Variants in RANBP2 observed in about 807,000 individuals in gnomAD.
The protein encoded by RANBP2 is RAN binding protein 2.
Under a neutral mutation model 303.6 loss-of-function variants are expected in RANBP2, and 57 were observed. The observed-to-expected ratio is 0.19, with a 90% CI of 0.15 to 0.23. The LOEUF is 0.23. Ranked by LOEUF, RANBP2 falls within the 10% of genes least tolerant of loss-of-function variation. The probability of loss-of-function intolerance (pLI) is 1.00; values close to 1 mark genes in which losing one functional copy is unlikely to be tolerated. For synonymous variants in RANBP2, 1,167 were observed against 1,301.5 expected (o/e 0.90, Z 2.23); for missense variants, 3,138 against 3,780.8 (o/e 0.83, Z 4.46).
chr2:109,582,266 T>C, the RANBP2 span, among the ~76,000 whole-genome samples: 2 of 152,256 alleles, frequency 1.3e-5, no homozygotes, highest in African/African-American at 4.8e-5. Context: ...AGAATCAATA[T>C]AGTTAAAACG....
At chr2:109,078,186 T>C in the RANBP2 span, among the ~76,000 whole-genome samples, 5 of 44,292 alleles carry the variant, frequency 1.1e-4, no homozygotes, top group South Asian at 2.0e-3. Flanking sequence ...ATATATAGCA[T>C]ATATATATAG....
the RANBP2 span, among the ~76,000 whole-genome samples, chr2:109,054,052 G>C: frequency 6.6e-6 from 1 of 152,150 alleles, no homozygotes; most frequent in African/African-American, 2.4e-5. Flanking sequence ...CTACCTGGGC[G>C]GCTCTGCAAG....
chr2:109,436,859 T>C, the RANBP2 span: 1 of 1,604,814 alleles, frequency 6.2e-7, no homozygotes, highest in Non-Finnish European at 8.5e-7. Flanking sequence ...CCTCTGAGCC[T>C]CTCATCAGAA....
the RANBP2 span, among the ~76,000 whole-genome samples, chr2:108,860,070 A>G: frequency 6.6e-6 from 1 of 151,964 alleles, no homozygotes; most frequent in African/African-American, 2.4e-5. Context: ...GCTGTTGTAA[A>G]TAGGATTGTG....
chr2:109,206,228 C>T, the RANBP2 span, among the ~76,000 whole-genome samples: 18 of 152,168 alleles, frequency 1.2e-4, no homozygotes, highest in Admixed American at 5.2e-4. Context: ...CGGTGGCTCA[C>T]GCCTGTAATC....
the RANBP2 span, among the ~76,000 whole-genome samples, chr2:108,867,812 C>G: frequency 2.0e-5 from 3 of 152,134 alleles, no homozygotes; most frequent in African/African-American, 7.2e-5. Context: ...TATGTTCCAG[C>G]CTTTGAGTCA....
the RANBP2 span, among the ~76,000 whole-genome samples, chr2:109,363,343 A>G: frequency 4.6e-5 from 7 of 152,276 alleles, no homozygotes; most frequent in East Asian, 1.3e-3. Flanking sequence ...AGTACTTGTA[A>G]TAACAAAATA....
the RANBP2 span, among the ~76,000 whole-genome samples, chr2:109,131,366 C>T: frequency 6.6e-6 from 1 of 152,134 alleles, no homozygotes; most frequent in Non-Finnish European, 1.5e-5. Flanking sequence ...TGATTAAATC[C>T]AGCTAAATGC....
At chr2:109,606,627 A>G in the RANBP2 span, among the ~76,000 whole-genome samples, 10 of 78,038 alleles carry the variant, frequency 1.3e-4, no homozygotes, top group Admixed American at 1.5e-3. Context: ...TAATAGCTAA[A>G]AAGTTCCCTT....
chr2:109,599,288 T>C, the RANBP2 span, among the ~76,000 whole-genome samples: 4 of 151,938 alleles, frequency 2.6e-5, no homozygotes, highest in African/African-American at 9.7e-5. Context: ...TGAAACCCTC[T>C]CTCTACTAAA....
chr2:109,551,201 A>T, the RANBP2 span, among the ~76,000 whole-genome samples: 1 of 152,258 alleles, frequency 6.6e-6, no homozygotes, highest in Non-Finnish European at 1.5e-5. Context: ...CTATTATCTA[A>T]GCACACATCA....
chr2:109,193,201 C>T, the RANBP2 span, among the ~76,000 whole-genome samples: 3 of 152,334 alleles, frequency 2.0e-5, no homozygotes, highest in African/African-American at 7.2e-5. Context: ...AAATTGTCTG[C>T]CCTTCCTGGG....
At chr2:108,850,178 A>G in the RANBP2 span, among the ~76,000 whole-genome samples, 1 of 152,192 alleles carries the variant, frequency 6.6e-6, no homozygotes, top group African/African-American at 2.4e-5. Flanking sequence ...AAACATAAGA[A>G]AAACTCTTAA....
the RANBP2 span, among the ~76,000 whole-genome samples, chr2:109,049,316 G>A: frequency 9.9e-5 from 15 of 152,156 alleles, no homozygotes; most frequent in African/African-American, 2.9e-4. Flanking sequence ...CTTCCTTCCC[G>A]CACTTGCCTC....
At chr2:109,005,827 T>C in the RANBP2 span, among the ~76,000 whole-genome samples, 2 of 152,202 alleles carry the variant, frequency 1.3e-5, no homozygotes, top group Non-Finnish European at 2.9e-5. Flanking sequence ...AAATCAGCTG[T>C]AACCACTTCA....
the RANBP2 span, chr2:109,543,846 T>C: frequency 3.6e-6 from 1 of 277,816 alleles, no homozygotes; most frequent in South Asian, 6.5e-5. Context: ...CAGAAGTGTT[T>C]TGGATTTCAG....
the RANBP2 span, among the ~76,000 whole-genome samples, chr2:109,383,816 T>C: frequency 6.6e-6 from 1 of 152,154 alleles, no homozygotes; most frequent in Non-Finnish European, 1.5e-5. Context: ...TCAGCCGCAT[T>C]TTCCAGACGT....
At chr2:109,710,997 G>A in the RANBP2 span, among the ~76,000 whole-genome samples, 1 of 151,900 alleles carries the variant, frequency 6.6e-6, no homozygotes, top group South Asian at 2.1e-4. Context: ...TCCTCCCTAT[G>A]CCCTCTCTCT....
the RANBP2 span, among the ~76,000 whole-genome samples, chr2:109,336,112 T>C: frequency 1.3e-5 from 2 of 152,142 alleles, no homozygotes; most frequent in African/African-American, 4.8e-5. Context: ...CTTTAATATT[T>C]TAGGAAGTTC....
Sources: allele counts gnomAD v4.1 joint callset (sites outside exome capture counted in the v4.1 genomes callset), GRCh38; gene constraint gnomAD v4.1.1; transcripts MANE v1.5; gene names NCBI Gene and HGNC (gene_info 2026-07-23, HGNC 2026-07-21).